Variants in PCDHGA1 observed in about 807,000 individuals in gnomAD.
PCDHGA1 encodes the protein protocadherin gamma-A1.
Under a neutral mutation model 58.0 loss-of-function variants are expected in PCDHGA1, and 32 were observed. That is an observed-to-expected ratio of 0.55 (90% CI 0.42 to 0.74). The LOEUF (loss-of-function observed/expected upper bound fraction) is 0.74, where lower values mean the gene tolerates loss of function less well. Ranked by LOEUF, PCDHGA1 falls within the 30% of genes least tolerant of loss-of-function variation. PCDHGA1 has a pLI of 0.00. For synonymous variants in PCDHGA1, 498 were observed against 501.1 expected (o/e 0.99, Z 0.08); for missense variants, 1,205 against 1,182.3 (o/e 1.02, Z -0.28).
Position 141,331,715 on chromosome 5 carries a change from C to T in PCDHGA1, c.1031C>T (p.Ala344Val). 6.2e-7 allele frequency: 1 copy of T among 1,614,018 alleles called. No individual in the cohort carries two copies. The highest frequency in any genetic ancestry group is 8.5e-7 in the Non-Finnish European group (1 of 1,180,004). Residue 344 changes from alanine (A) to valine (V), a missense_variant, in exon 1 of 4, where the codon GCC (alanine) becomes GTC (valine). Physicochemically the swap from Ala to Val is moderately conservative, Grantham distance 64. Transcript: ENST00000517417. ...AAAGTTTTGGATGTAAATGATAATG[C>T]CCCAGAAGTGACCATCACCTCTGTC... ...LIKVLDVNDNAPEVTITSVTT... is the reference protein window; with the variant it reads ...LIKVLDVNDNVPEVTITSVTT...
At chr5:141,344,144 G>A (rs774920004) in intron 1 of PCDHGA1, 1 of 1,614,052 alleles carries the variant, frequency 6.2e-7, no homozygotes, top group Non-Finnish European at 8.5e-7. Flanking sequence ...CGGTGTCTGA[G>A]GAGCTAGATA....
chr5:141,410,793 G>T, intron 1 of PCDHGA1: 2 of 637,704 alleles, frequency 3.1e-6, no homozygotes, highest in Admixed American at 4.3e-5. Flanking sequence ...TGGTTCATAA[G>T]TTGCTCTATC....
At chr5:141,400,116 C>T in intron 1 of PCDHGA1, 2 of 1,614,086 alleles carry the variant, frequency 1.2e-6, no homozygotes, top group Non-Finnish European at 1.7e-6. Context: ...TTGCTGACAG[C>T]TTGCAGGAGG....
chr5:141,351,481 C>T, intron 1 of PCDHGA1: 1 of 1,613,934 alleles, frequency 6.2e-7, no homozygotes, highest in Non-Finnish European at 8.5e-7. Flanking sequence ...GAGCCCTAAA[C>T]CGGGAGCAGA....
intron 1 of PCDHGA1, chr5:141,390,508 T>C (rs2092164423): frequency 5.1e-6 from 3 of 589,420 alleles, no homozygotes; most frequent in Non-Finnish European, 8.8e-6. Flanking sequence ...AGCTTAGATT[T>C]ATAAAGCAAT....
At chr5:141,503,598 C>CTAA (rs2099824827) in intron 2 of PCDHGA1, among the ~76,000 whole-genome samples, 2 of 65,752 alleles carry the variant, frequency 3.0e-5, no homozygotes, top group African/African-American at 9.3e-5. Flanking sequence ...GACTCCAGCT[C>CTAA]AAAAAAAAAA....
rs778571401 is a variant in PCDHGA1, at chr5:141,371,690, C to T, written c.2421+38585C>T. On this transcript the variant is annotated intron_variant, in intron 1 of 3. Coordinates refer to ENST00000517417, the MANE Select transcript of PCDHGA1 (RefSeq NM_018912.3). ...CTACCGACAAAGGCAATCCACCGCTCTCCTCCAGCAAGACCATCACTCTGC... is the reference window on the plus strand; with the variant it reads ...CTACCGACAAAGGCAATCCACCGCTTTCCTCCAGCAAGACCATCACTCTGC... 14 of 1,614,078 alleles carry T rather than the reference C, an allele frequency of 8.7e-6. No homozygotes were observed. The Admixed American group carries it at 2.3e-4, about 27-fold the overall frequency.
chr5:141,332,912 T>A lies in PCDHGA1; in HGVS notation c.2228T>A (p.Val743Glu). The change falls in exon 1 of 4, where the codon GTG becomes GAG. Residue 743 changes from valine (V) to glutamate (E), a missense_variant. Physicochemically the swap from Val to Glu is moderately radical, Grantham distance 121. Transcript: ENST00000517417. This position sits in a 1 kb window ranked among gnomAD's most constrained non-coding sequence, Gnocchi z 4.6. ...ASMPGSHFVG[V>E]DGVRAFLQTY... ...ATGCCCGGTTCGCACTTTGTGGGCG[T>A]GGACGGGGTTCGGGCTTTCCTGCAG... The A allele has an allele frequency of 1.2e-6, 2 of 1,614,222 alleles. No individual in the cohort carries two copies. Among genetic ancestry groups the A allele is most frequent in the Non-Finnish European group, 8.5e-7 (1 of 1,180,040 alleles).
At chr5:141,418,536 C>G (rs1196331424) in intron 1 of PCDHGA1, 6 of 1,614,026 alleles carry the variant, frequency 3.7e-6, no homozygotes, top group South Asian at 1.1e-5. Flanking sequence ...AGCGGTACTG[C>G]TCAGATAAGA....
intron 1 of PCDHGA1, among the ~76,000 whole-genome samples, chr5:141,453,479 A>G (rs1345415084): frequency 1.3e-5 from 2 of 152,082 alleles, no homozygotes; most frequent in Non-Finnish European, 2.9e-5. Context: ...AGTCAAAACT[A>G]TTAAAAAAAG....
intron 1 of PCDHGA1, chr5:141,389,157 C>G: frequency 6.2e-7 from 1 of 1,613,976 alleles, no homozygotes; most frequent in African/African-American, 1.3e-5. Flanking sequence ...GGCAACAGAT[C>G]GGGGCAAGCC....
intron 1 of PCDHGA1, among the ~76,000 whole-genome samples, chr5:141,451,001 A>AT (rs1164946963): frequency 2.0e-5 from 3 of 148,376 alleles, no homozygotes; most frequent in South Asian, 2.1e-4. Context: ...ATTTTTTTGT[A>AT]TTTTTTTTAG....
intron 1 of PCDHGA1, among the ~76,000 whole-genome samples, chr5:141,430,411 C>T (rs879587751): frequency 3.3e-5 from 5 of 150,942 alleles, no homozygotes; most frequent in African/African-American, 1.2e-4. Flanking sequence ...ACTAAAGTTT[C>T]TATTAAAGCG....
At chr5:141,438,949 A>G (rs538626951) in intron 1 of PCDHGA1, among the ~76,000 whole-genome samples, 1 of 152,170 alleles carries the variant, frequency 6.6e-6, no homozygotes, top group East Asian at 1.9e-4. Flanking sequence ...TATAGGCATG[A>G]GCCACCGCAC....
intron 1 of PCDHGA1, chr5:141,384,015 A>G: frequency 6.2e-7 from 1 of 1,613,830 alleles, no homozygotes; most frequent in Non-Finnish European, 8.5e-7. Flanking sequence ...TCTACCTACA[A>G]GACAGAGATT....
Position 141,477,200 on chromosome 5 carries a change from C to T in PCDHGA1, c.2422-17607C>T. ...AGTCACCTCCGTGTACAGCCCAGTACCCGAGGATGCCCCTCTGGGGACTGT... is the reference window on the plus strand; with the variant it reads ...AGTCACCTCCGTGTACAGCCCAGTATCCGAGGATGCCCCTCTGGGGACTGT... On this transcript the variant is annotated intron_variant, in intron 1 of 3. Transcript: ENST00000517417. This position sits in a 1 kb window ranked among gnomAD's most constrained non-coding sequence, Gnocchi z 4.9. The T allele has an allele frequency of 1.2e-6, 2 of 1,614,206 alleles. No individual in the cohort carries two copies. The highest frequency in any genetic ancestry group is 1.3e-5 in the African/African-American group (1 of 75,056).
chr5:141,404,330 T>C, intron 1 of PCDHGA1: 1 of 1,613,934 alleles, frequency 6.2e-7, no homozygotes, highest in African/African-American at 1.3e-5. Context: ...CTACTCAGTC[T>C]ACCTCCCGGA....
intron 1 of PCDHGA1, among the ~76,000 whole-genome samples, chr5:141,425,318 G>A (rs1304835508): frequency 1.3e-5 from 2 of 152,158 alleles, no homozygotes; most frequent in Non-Finnish European, 2.9e-5. Context: ...TCCCAAGATC[G>A]TGGAGAACAA....
chr5:141,339,317 A>G (rs949025792), intron 1 of PCDHGA1: 1 of 1,614,234 alleles, frequency 6.2e-7, no homozygotes. Context: ...TAAATTGACT[A>G]TTTATTCAGT....
Sources: gnomAD v4.1 joint callset for allele counts (sites outside exome capture counted in the v4.1 genomes callset) on GRCh38, gnomAD v4.1.1 for gene constraint, Gnocchi (gnomAD v3.1) non-coding constraint, MANE v1.5 for transcripts, NCBI Gene and HGNC (gene_info 2026-07-23, HGNC 2026-07-21) for gene names.